The following CNNM2 variants were observed in gnomAD, a reference collection of about 807,000 sequenced individuals.
The protein encoded by CNNM2 is cyclin and CBS domain divalent metal cation transport mediator 2.
CNNM2 carries 12 observed loss-of-function variants against 66.9 expected under a neutral mutation model. That is an observed-to-expected ratio of 0.18 (90% confidence interval 0.11 to 0.29). The LOEUF (loss-of-function observed/expected upper bound fraction) is 0.29. Among genes scored for constraint, CNNM2 ranks in the 10% least tolerant of loss-of-function variants. CNNM2 has a pLI of 1.00. For missense variants in CNNM2, 705 were observed against 1,167.7 expected, an observed-to-expected ratio of 0.60 and a Z score of 5.77; for synonymous variants, 557 against 501.8, an observed-to-expected ratio of 1.11 and a Z score of -1.47.
chr10:103,017,963 C>CAAAAAAAAAAAAAAAAAAAAAA (rs59984156), intron 1 of CNNM2, among the ~76,000 whole-genome samples: 6 of 78,878 alleles, frequency 7.6e-5, no homozygotes, highest in East Asian at 3.0e-4. Context: ...GAATCTGTCT[C>CAAAAAAAAAAAAAAAAAAAAAA]AAAAAAAAAA....
chr10:102,938,711 GT>G lies in CNNM2; in HGVS notation c.1621+18613del, dbSNP rs368881235. 4.3e-4 allele frequency among the ~76,000 whole-genome samples: 64 copies of G among 150,124 alleles called. No individual in the cohort carries two copies. In the East Asian group the frequency reaches 8.3e-3, roughly 20 times the overall value. The stretch of plus-strand genomic sequence containing the variant: ...AAACATTTTAGGGAGAGAAATCGAT[GT>G]TTCCTTTACTTACAGATGGCATTGC... On this transcript the variant is annotated intron_variant, in intron 1 of 7. Transcript: ENST00000369878.
At chr10:102,972,948 A>G (rs948132534) in intron 1 of CNNM2, among the ~76,000 whole-genome samples, 2 of 152,210 alleles carry the variant, frequency 1.3e-5, no homozygotes, top group African/African-American at 4.8e-5. Flanking sequence ...GCTATTGGCT[A>G]TATTTCATTG....
At position 102,933,313 on chromosome 10, in the gene CNNM2, T is replaced by A. The variant is rs576678275; in HGVS notation, c.1621+13212T>A. ...TCCTCTTTAATTTCCTTCAACAACG[T>A]TTTGTAGTTTTCAGTGTGCTTGCAA... On this transcript the variant is annotated intron_variant, in intron 1 of 7. Transcript: ENST00000369878. Among the ~76,000 whole-genome samples the A allele has an allele frequency of 3.9e-5, 6 of 152,312 alleles. 1 individual carries two copies. Among genetic ancestry groups the A allele is most frequent in the African/African-American group, 1.4e-4 (6 of 41,556 alleles).
At position 103,088,959 on chromosome 10, in the gene CNNM2, T is replaced by C. The variant is rs891497854; in HGVS notation, c.*11779T>C. On this transcript the variant is annotated 3_prime_UTR_variant, in exon 8 of 8. Coordinates refer to ENST00000369878, the MANE Select transcript of CNNM2 (RefSeq NM_017649.5). ...TCCACTTGCAGCTAAATTCTTTCTA[T>C]AGATTTATCACAGATAAGAAGGAGG... 1 of 209,844 alleles carries C rather than the reference T, an allele frequency of 4.8e-6. No individual in the cohort carries two copies. The highest frequency in any genetic ancestry group is 2.3e-5 in the African/African-American group (1 of 44,014). The allele number at this position is 209,844 out of a possible 1,614,324, so 13.0% of individuals were successfully genotyped here. A position where few individuals can be genotyped will look rare whatever the true frequency, so the allele number is the denominator to read the frequency against.
At chr10:103,004,279 G>A (rs571279983) in intron 1 of CNNM2, among the ~76,000 whole-genome samples, 2 of 152,112 alleles carry the variant, frequency 1.3e-5, no homozygotes, top group Non-Finnish European at 2.9e-5. Flanking sequence ...CTGGATTACA[G>A]GCGTGAGCCA....
At chr10:103,034,234 C>T (rs1207481044) in intron 1 of CNNM2, among the ~76,000 whole-genome samples, 3 of 151,104 alleles carry the variant, frequency 2.0e-5, no homozygotes, top group Admixed American at 1.3e-4. Context: ...AATTCTACCT[C>T]GCTCCAAATT....
rs140279763 is a variant in CNNM2, at chr10:102,919,383, C to T, written c.903C>T (p.Tyr301=). 7.5e-4 allele frequency: 1,205 copies of T among 1,612,164 alleles called. 1 individual carries two copies. Among genetic ancestry groups the T allele is most frequent in the Non-Finnish European group, 9.6e-4 (1,133 of 1,180,046 alleles). ...QNCGTEKEKN[Y]AKRIEPVRRQ... ...GCGGCACGGAGAAGGAGAAGAATTA[C>T]GCCAAGCGCATCGAGCCGGTGCGCA... Residue 301 remains tyrosine (Y), a synonymous_variant, in exon 1 of 8, where the codon TAC becomes TAT. Coordinates refer to ENST00000369878, the MANE Select transcript of CNNM2 (RefSeq NM_017649.5).
At chr10:103,075,537 G>T (rs914028404) in intron 6 of CNNM2, among the ~76,000 whole-genome samples, 1 of 152,136 alleles carries the variant, frequency 6.6e-6, no homozygotes, top group Admixed American at 6.5e-5. Context: ...AGACATCCTC[G>T]GGCTACCTGA....
intron 1 of CNNM2, among the ~76,000 whole-genome samples, chr10:103,000,533 A>C (rs1413162571): frequency 6.6e-6 from 1 of 151,884 alleles, no homozygotes; most frequent in Non-Finnish European, 1.5e-5. Flanking sequence ...GGCTCACTAC[A>C]GCCTCGGCCT....
chr10:102,920,367 C>T (rs1845578435), intron 1 of CNNM2, among the ~76,000 whole-genome samples: 1 of 151,664 alleles, frequency 6.6e-6, no homozygotes, highest in African/African-American at 2.4e-5. Context: ...CTGTGCATGA[C>T]ACTTATTTAT....
In CNNM2 at chr10:103,056,973, A is replaced by T. The variant is rs1348088944; in HGVS notation, c.2073+9A>T. On this transcript the variant is annotated intron_variant, in intron 4 of 7. Transcript: ENST00000369878. ...TCGTTCTCATTCTGCAGGTCAGAAG[A>T]ATTATTCAATAGTGGTTTGCTCTCA... 2.5e-6 allele frequency: 4 copies of T among 1,606,008 alleles called. No individual in the cohort carries two copies. In the Admixed American group the frequency reaches 6.8e-5, roughly 27 times the overall value.
rs2065799384 is a variant in CNNM2 at position 103,085,701 on chromosome 10, T to G, written c.*8521T>G. The G allele has an allele frequency of 6.6e-6, 1 of 152,240 alleles. No individual in the cohort carries two copies. The highest frequency in any genetic ancestry group is 6.5e-5 in the Admixed American group (1 of 15,288). The allele number at this position is 152,240 out of a possible 1,614,324, so 9.4% of individuals were successfully genotyped here. A position where few individuals can be genotyped will look rare whatever the true frequency, so the allele number is the denominator to read the frequency against. On this transcript the variant is annotated 3_prime_UTR_variant, in exon 8 of 8. Coordinates refer to ENST00000369878, the MANE Select transcript of CNNM2 (RefSeq NM_017649.5). ...TTGGAAAACATAGATTCCTCATCCT[T>G]AAACAGAGTCAGCAAGTTTGAGATG...
At chr10:102,930,649 A>G (rs1226943795) in intron 1 of CNNM2, among the ~76,000 whole-genome samples, 3 of 152,204 alleles carry the variant, frequency 2.0e-5, no homozygotes, top group Non-Finnish European at 2.9e-5. Context: ...ACTACTGTCT[A>G]CTTACAGAAC....
intron 1 of CNNM2, among the ~76,000 whole-genome samples, chr10:102,946,667 A>G (rs1480766438): frequency 6.6e-6 from 1 of 152,138 alleles, no homozygotes; most frequent in Admixed American, 6.5e-5. Context: ...AAGTACATTA[A>G]TAATTGAACA....
At chr10:103,004,260 C>T (rs999183659) in intron 1 of CNNM2, among the ~76,000 whole-genome samples, 1 of 152,128 alleles carries the variant, frequency 6.6e-6, no homozygotes, top group African/African-American at 2.4e-5. Flanking sequence ...GCCTCAGCCT[C>T]CCTAAGTGCT....
chr10:102,981,105 T>C (rs919676432), intron 1 of CNNM2, among the ~76,000 whole-genome samples: 1 of 152,094 alleles, frequency 6.6e-6, no homozygotes, highest in Non-Finnish European at 1.5e-5. Context: ...TCCCAGCACT[T>C]TGGGAGGCTG....
At chr10:102,975,469 GAA>G (rs57482469) in intron 1 of CNNM2, among the ~76,000 whole-genome samples, 3 of 119,280 alleles carry the variant, frequency 2.5e-5, no homozygotes, top group Non-Finnish European at 3.3e-5. Flanking sequence ...GATGGAATTA[GAA>G]AAAAAAAAAA....
rs3781285 is a variant in CNNM2, at chr10:103,065,908, C to G, written c.2074-2721C>G. Among the ~76,000 whole-genome samples the G allele has an allele frequency of 0.082, 12,543 of 152,198 alleles. 800 individuals are homozygous for G. Among genetic ancestry groups the G allele is most frequent in the East Asian group, 0.28 (1,438 of 5,162 alleles). ...CCTCCTCTTTGAAGGGACCCTACTT[C>G]AGGGACTTCCCCAGCACCCAGAGTC... is the stretch of plus-strand genomic sequence containing the variant. On this transcript the variant is annotated intron_variant, in intron 4 of 7. Transcript: ENST00000369878.
rs111539684 is a variant in CNNM2 at position 103,038,029 on chromosome 10, G to A, written c.1622-11678G>A. ...TAATTTTTGTATTTTTAGTAGAGAC[G>A]GGGTTTCACCATGTTGGCCAGCCTG... On this transcript the variant is annotated intron_variant, in intron 1 of 7. Coordinates refer to ENST00000369878, the MANE Select transcript of CNNM2 (RefSeq NM_017649.5). Among the ~76,000 whole-genome samples the A allele has an allele frequency of 0.015, 2,251 of 152,050 alleles. 57 individuals are homozygous for A. The highest frequency in any genetic ancestry group is 0.05 in the African/African-American group (2,088 of 41,490).
Sources: gnomAD v4.1 joint callset for allele counts (sites outside exome capture counted in the v4.1 genomes callset) on GRCh38, gnomAD v4.1.1 for gene constraint, MANE v1.5 for transcripts, NCBI Gene and HGNC (gene_info 2026-07-23, HGNC 2026-07-21) for gene names.